The following ATRNL1 variants were observed in gnomAD, a reference collection of about 807,000 sequenced individuals.
ATRNL1 encodes attractin-like protein 1.
In ATRNL1, 95 loss-of-function variants were observed where a neutral mutation model predicts 182.7. That is an observed-to-expected ratio of 0.52 (90% CI 0.44 to 0.62). The LOEUF (loss-of-function observed/expected upper bound fraction) is 0.62, where lower values mean the gene tolerates loss of function less well. Among genes scored for constraint, ATRNL1 ranks in the 20% least tolerant of loss-of-function variants. The pLI, the probability that ATRNL1 is intolerant of heterozygous loss-of-function variation, is 0.00. For missense variants in ATRNL1, 1,471 were observed against 1,679.5 expected (o/e 0.88, Z 2.17); for synonymous variants, 576 against 568.3 (o/e 1.01, Z -0.19).
In ATRNL1 at chr10:115,890,186, T is replaced by C. The variant is rs149747803; in HGVS notation, c.4018+42195T>C. Reference sequence around the variant, plus strand: ...TCGTAAGCCTTATAAATCATTGTCCTTATACCCAGCTCACTGTGGGTGGTG... The same window carrying C: ...TCGTAAGCCTTATAAATCATTGTCCCTATACCCAGCTCACTGTGGGTGGTG... On this transcript the variant is annotated intron_variant, in intron 28 of 28. Transcript: ENST00000355044. Among the ~76,000 whole-genome samples, 567 of 152,312 alleles carry C rather than the reference T, an allele frequency of 3.7e-3. 3 individuals carry two copies. The highest frequency in any genetic ancestry group is 0.013 in the African/African-American group (546 of 41,568).
chr10:115,571,300 G>A (rs1458735982), intron 26 of ATRNL1, among the ~76,000 whole-genome samples: 1 of 152,166 alleles, frequency 6.6e-6, no homozygotes, highest in African/African-American at 2.4e-5. Context: ...GCTTTTTCAT[G>A]GAAGGAAGGA....
At chr10:115,908,783 G>C (rs1952578884) in intron 28 of ATRNL1, among the ~76,000 whole-genome samples, 1 of 152,116 alleles carries the variant, frequency 6.6e-6, no homozygotes, top group African/African-American at 2.4e-5. Context: ...CCTGCTACTG[G>C]TTCCCTAATG....
chr10:115,828,753 T>TA (rs1206495209), intron 27 of ATRNL1, among the ~76,000 whole-genome samples: 1 of 152,204 alleles, frequency 6.6e-6, no homozygotes, highest in Non-Finnish European at 1.5e-5. Context: ...AATAGTCTAT[T>TA]AAATGGCTGC....
At chr10:115,143,312 T>C (rs1391085598) in intron 5 of ATRNL1, among the ~76,000 whole-genome samples, 1 of 152,224 alleles carries the variant, frequency 6.6e-6, no homozygotes, top group Non-Finnish European at 1.5e-5. Flanking sequence ...TCTGACTGCA[T>C]AGGACAATGT....
rs571090166 is a variant in ATRNL1, at chr10:115,495,714, A to T, written c.3655-23549A>T. Among the ~76,000 whole-genome samples, 145 of 140,842 alleles carry T rather than the reference A, an allele frequency of 1.0e-3. 1 individual carries two copies. The highest frequency in any genetic ancestry group is 3.4e-3 in the African/African-American group (132 of 38,474). The allele number at this position is 140,842 out of a possible 152,430, so 92.4% of individuals were successfully genotyped here. A position where few individuals can be genotyped will look rare whatever the true frequency, so the allele number is the denominator to read the frequency against. On this transcript the variant is annotated intron_variant, in intron 24 of 28. Coordinates refer to ENST00000355044, the MANE Select transcript of ATRNL1 (RefSeq NM_207303.4). ...GGTATGATTTCAGTTTTTTTTTTTT[A>T]ATTTGCTGAGAATTGTTTTATGGCC...
intron 3 of ATRNL1, among the ~76,000 whole-genome samples, chr10:115,126,285 C>T (rs1554873497): frequency 6.6e-6 from 1 of 152,182 alleles, no homozygotes; most frequent in East Asian, 1.9e-4. Flanking sequence ...TTCCTGATCT[C>T]TTGACCTCGT....
chr10:115,332,247 C>T (rs1855261456), intron 18 of ATRNL1, among the ~76,000 whole-genome samples: 2 of 152,242 alleles, frequency 1.3e-5, no homozygotes, highest in African/African-American at 4.8e-5. Flanking sequence ...ATTGTGGTCA[C>T]AGAAAACTGA....
intron 26 of ATRNL1, among the ~76,000 whole-genome samples, chr10:115,651,816 C>T (rs1337422311): frequency 6.6e-6 from 1 of 151,822 alleles, no homozygotes; most frequent in African/African-American, 2.4e-5. Flanking sequence ...TTTTCTTTAC[C>T]GATGATTGGT....
chr10:115,719,508 A>C (rs12265264), intron 26 of ATRNL1, among the ~76,000 whole-genome samples: 6,303 of 152,308 alleles, frequency 0.041, 259 homozygotes, highest in East Asian at 0.19. Context: ...GACAAAAACC[A>C]GGGATTGTCT....
intron 26 of ATRNL1, among the ~76,000 whole-genome samples, chr10:115,603,904 A>G (rs899871323): frequency 3.3e-5 from 5 of 152,112 alleles, no homozygotes; most frequent in East Asian, 1.9e-4. Context: ...GTTTTCAAAG[A>G]TATTTTTACT....
chr10:115,771,480 T>TAGG (rs1456975586), intron 27 of ATRNL1, among the ~76,000 whole-genome samples: 6 of 152,318 alleles, frequency 3.9e-5, no homozygotes, highest in Admixed American at 3.9e-4. Flanking sequence ...TCCGCCCGCC[T>TAGG]AGGCCTCCCA....
intron 26 of ATRNL1, among the ~76,000 whole-genome samples, chr10:115,558,790 C>T (rs533564891): frequency 6.6e-6 from 1 of 152,170 alleles, no homozygotes; most frequent in East Asian, 1.9e-4. Flanking sequence ...CTGCCTCAAA[C>T]TTATTTAAGA....
intron 19 of ATRNL1, among the ~76,000 whole-genome samples, chr10:115,378,684 A>G (rs1460241207): frequency 1.3e-5 from 2 of 152,176 alleles, no homozygotes; most frequent in Non-Finnish European, 1.5e-5. Flanking sequence ...TAAGACCAAC[A>G]AGCCTGTCAC....
At chr10:115,493,608 T>C (rs1849414663) in intron 24 of ATRNL1, among the ~76,000 whole-genome samples, 1 of 152,214 alleles carries the variant, frequency 6.6e-6, no homozygotes, top group Non-Finnish European at 1.5e-5. Flanking sequence ...TAGAACGATT[T>C]ATATTCCTTT....
chr10:115,132,029 C>A (rs1272104075), intron 5 of ATRNL1, among the ~76,000 whole-genome samples: 2 of 152,040 alleles, frequency 1.3e-5, no homozygotes, highest in African/African-American at 2.4e-5. Flanking sequence ...GTGCTGCACC[C>A]ATTAACACGT....
intron 26 of ATRNL1, among the ~76,000 whole-genome samples, chr10:115,582,321 C>T (rs1855164363): frequency 1.4e-5 from 2 of 145,966 alleles, no homozygotes; most frequent in Non-Finnish European, 3.0e-5. Flanking sequence ...AATCGCCACA[C>T]TGACTTCCAC....
chr10:115,223,030 A>T (rs563976841), intron 9 of ATRNL1, among the ~76,000 whole-genome samples: 2 of 152,182 alleles, frequency 1.3e-5, no homozygotes, highest in Non-Finnish European at 2.9e-5. Context: ...CTGTAATCCT[A>T]GCACTTTGGA....
chr10:115,914,639 C>G (rs1555116724), intron 28 of ATRNL1, among the ~76,000 whole-genome samples: 1 of 152,214 alleles, frequency 6.6e-6, no homozygotes, highest in Non-Finnish European at 1.5e-5. Flanking sequence ...TGGACACCTA[C>G]TTGGTACTTC....
chr10:115,480,369 G>C (rs1565087698), intron 24 of ATRNL1, among the ~76,000 whole-genome samples: 1 of 150,994 alleles, frequency 6.6e-6, no homozygotes, highest in Non-Finnish European at 1.5e-5. Context: ...AATTGACACA[G>C]AACACTTTTC....
Sources: allele counts gnomAD v4.1 joint callset (sites outside exome capture counted in the v4.1 genomes callset), GRCh38; gene constraint gnomAD v4.1.1; transcripts MANE v1.5; gene names NCBI Gene and HGNC (gene_info 2026-07-23, HGNC 2026-07-21).